Variants in DYNC1I1 observed in about 807,000 individuals in gnomAD.
DYNC1I1 encodes the protein cytoplasmic dynein 1 intermediate chain 1.
A neutral mutation model predicts 86.6 loss-of-function variants in DYNC1I1; 43 were observed. The observed-to-expected ratio is 0.50, with a 90% CI of 0.39 to 0.64. The LOEUF (loss-of-function observed/expected upper bound fraction) is 0.64. Among genes scored for constraint, DYNC1I1 ranks in the 30% least tolerant of loss-of-function variants. DYNC1I1 has a pLI of 0.00. For missense variants in DYNC1I1, 604 were observed against 788.8 expected, an observed-to-expected ratio of 0.77 and a Z score of 2.81; for synonymous variants, 262 against 283.7, an observed-to-expected ratio of 0.92 and a Z score of 0.77.
intron 11 of DYNC1I1, 111 bp downstream of exon 11, chr7:96,028,432 C>T: frequency 7.2e-7 from 1 of 1,382,548 alleles, no homozygotes; most frequent in East Asian, 2.4e-5. Context: ...GGAGGATCTA[C>T]TTTATTATGA....
intron 6 of DYNC1I1, among the ~76,000 whole-genome samples, chr7:95,923,744 T>C (rs1375932128): frequency 6.6e-6 from 1 of 152,176 alleles, no homozygotes; most frequent in Non-Finnish European, 1.5e-5. Flanking sequence ...TGTTCAACAT[T>C]CTTTTCATTG....
At chr7:95,853,752 C>A (rs1789642666) in intron 5 of DYNC1I1, among the ~76,000 whole-genome samples, 1 of 152,054 alleles carries the variant, frequency 6.6e-6, no homozygotes. Flanking sequence ...TTGATGTCCC[C>A]TACGATTATT....
chr7:95,986,032 G>GTGTGTGTGTGTGTT (rs1793582637), intron 8 of DYNC1I1, among the ~76,000 whole-genome samples: 1 of 112,316 alleles, frequency 8.9e-6, no homozygotes, highest in Non-Finnish European at 2.2e-5. Flanking sequence ...ACGTGTGTGT[G>GTGTGTGTGTGTGTT]TGTGTGTGTG....
At chr7:96,047,386 A>G (rs1462393007) in intron 14 of DYNC1I1, among the ~76,000 whole-genome samples, 1 of 152,216 alleles carries the variant, frequency 6.6e-6, no homozygotes, top group Non-Finnish European at 1.5e-5. Context: ...GAACATTATA[A>G]TAGAACATGA....
chr7:95,865,256 G>A (rs112510861), intron 5 of DYNC1I1, among the ~76,000 whole-genome samples: 138 of 152,236 alleles, frequency 9.1e-4, no homozygotes, highest in African/African-American at 3.1e-3. Context: ...GTTACTTAAA[G>A]CATTATAGTT....
intron 3 of DYNC1I1, among the ~76,000 whole-genome samples, chr7:95,811,645 A>G (rs1794832616): frequency 6.6e-6 from 1 of 152,170 alleles, no homozygotes; most frequent in Non-Finnish European, 1.5e-5. Context: ...AGGTAAAAAT[A>G]GTATGTTCAA....
chr7:96,012,529 A>G (rs1052804198), intron 10 of DYNC1I1, among the ~76,000 whole-genome samples: 1 of 152,212 alleles, frequency 6.6e-6, no homozygotes, highest in African/African-American at 2.4e-5. Flanking sequence ...ATTATATTCT[A>G]TCAGGTGAAA....
At chr7:95,976,434 A>G (rs1234058309) in intron 6 of DYNC1I1, among the ~76,000 whole-genome samples, 1 of 152,178 alleles carries the variant, frequency 6.6e-6, no homozygotes, top group Non-Finnish European at 1.5e-5. Flanking sequence ...TGAGCATTTA[A>G]GTGTGCATTT....
chr7:95,830,358 C>T (rs960871832), intron 5 of DYNC1I1, among the ~76,000 whole-genome samples: 10 of 152,070 alleles, frequency 6.6e-5, no homozygotes. Context: ...TTGTTATCTA[C>T]ACTCTTGCTT....
chr7:96,071,704 TA>T (rs1255520340), intron 14 of DYNC1I1, among the ~76,000 whole-genome samples: 1 of 152,228 alleles, frequency 6.6e-6, no homozygotes, highest in African/African-American at 2.4e-5. Flanking sequence ...CACAAGGTGC[TA>T]AAGACTCTTG....
chr7:95,793,855 C>T (rs1019781044), intron 1 of DYNC1I1, among the ~76,000 whole-genome samples: 9 of 152,172 alleles, frequency 5.9e-5, no homozygotes, highest in Non-Finnish European at 1.0e-4. Context: ...GCTGAAGAGC[C>T]ACCGTGTGAG....
At chr7:95,831,569 T>C (rs1788904636) in intron 5 of DYNC1I1, among the ~76,000 whole-genome samples, 1 of 152,168 alleles carries the variant, frequency 6.6e-6, no homozygotes, top group Non-Finnish European at 1.5e-5. Flanking sequence ...GTTTTAATAA[T>C]TTGAGGAACT....
At chr7:95,855,629 C>T (rs1291064064) in intron 5 of DYNC1I1, among the ~76,000 whole-genome samples, 1 of 152,196 alleles carries the variant, frequency 6.6e-6, no homozygotes, top group Non-Finnish European at 1.5e-5. Context: ...AATATATCCC[C>T]TATGATGCTC....
At chr7:95,874,268 G>A (rs1790246054) in intron 6 of DYNC1I1, among the ~76,000 whole-genome samples, 1 of 152,146 alleles carries the variant, frequency 6.6e-6, no homozygotes, top group Non-Finnish European at 1.5e-5. Context: ...ATTTTCTTTA[G>A]CATCAGCTAT....
intron 6 of DYNC1I1, among the ~76,000 whole-genome samples, chr7:95,967,726 T>C (rs1320769413): frequency 1.3e-5 from 2 of 152,224 alleles, no homozygotes; most frequent in Non-Finnish European, 2.9e-5. Flanking sequence ...TTTTGTTCAC[T>C]GCTGCATCTC....
intron 7 of DYNC1I1, among the ~76,000 whole-genome samples, chr7:95,983,535 G>A (rs1347444942): frequency 1.3e-5 from 2 of 152,102 alleles, no homozygotes; most frequent in Non-Finnish European, 2.9e-5. Flanking sequence ...GCTAGAAAGA[G>A]GGAGATGTTA....
intron 16 of DYNC1I1, among the ~76,000 whole-genome samples, chr7:96,092,922 A>C (rs450): frequency 0.42 from 63,288 of 151,868 alleles, 14,263 homozygotes; most frequent in Non-Finnish European, 0.51. Context: ...GAATGCTGGC[A>C]TTTCTCAAAG....
chr7:95,981,296 G>GA (rs1202669639), intron 7 of DYNC1I1, among the ~76,000 whole-genome samples: 1 of 151,996 alleles, frequency 6.6e-6, no homozygotes, highest in Non-Finnish European at 1.5e-5. Context: ...ATACATTGAG[G>GA]ATAGCAGGAA....
At chr7:96,011,063 A>AT (rs1170041327) in intron 10 of DYNC1I1, among the ~76,000 whole-genome samples, 1 of 152,052 alleles carries the variant, frequency 6.6e-6, no homozygotes, top group Non-Finnish European at 1.5e-5. Flanking sequence ...GTTTTATTTT[A>AT]TTTTTTGCCT....
Sources: gnomAD v4.1 joint callset for allele counts (sites outside exome capture counted in the v4.1 genomes callset) on GRCh38, gnomAD v4.1.1 for gene constraint, MANE v1.5 for transcripts, NCBI Gene and HGNC (gene_info 2026-07-23, HGNC 2026-07-21) for gene names.